Variants in SCN8A observed in about 807,000 individuals in gnomAD.
The protein encoded by SCN8A is sodium channel protein type 8 subunit alpha.
A neutral mutation model predicts 184.1 loss-of-function variants in SCN8A; 30 were observed. The observed-to-expected ratio is 0.16, with a 90% CI of 0.12 to 0.22. SCN8A has a LOEUF of 0.22. Among genes scored for constraint, SCN8A ranks in the 10% least tolerant of loss-of-function variants. The probability of loss-of-function intolerance (pLI) is 1.00; values close to 1 mark genes in which losing one functional copy is unlikely to be tolerated. For synonymous variants in SCN8A, 852 were observed against 907.0 expected (o/e 0.94, Z 1.09); for missense variants, 1,057 against 2,498.9 (o/e 0.42, Z 12.30).
At position 51,765,667 on chromosome 12, in the gene SCN8A, T is replaced by G. The variant is rs1175986621; in HGVS notation, c.2545-4T>G. ...TTTTTTGTTTGGGTTTTTTTTTTCC[T>G]TAGCTCCGAGTCTTCAAATTGGCCA... is the stretch of plus-strand genomic sequence containing the variant. On this transcript the variant is annotated splice_region_variant and splice_polypyrimidine_tract_variant and intron_variant, in intron 15 of 26. Transcript: ENST00000627620. 1.4e-6 allele frequency: 2 copies of G among 1,453,180 alleles called. No individual in the cohort carries two copies. The highest frequency in any genetic ancestry group is 2.9e-5 in the African/African-American group (2 of 68,924). 90.0% of individuals were successfully genotyped at this position (1,453,180 alleles called of 1,614,324 possible). A position where few individuals can be genotyped will look rare whatever the true frequency, so the allele number is the denominator to read the frequency against.
At chr12:51,766,251 C>G (rs1181668814) in intron 16 of SCN8A, 1 of 573,906 alleles carries the variant, frequency 1.7e-6, no homozygotes, top group African/African-American at 1.9e-5. Flanking sequence ...AACCCTTTTC[C>G]TAGAGTTAGG....
At chr12:51,612,477 C>T (rs962675633) in intron 1 of SCN8A, among the ~76,000 whole-genome samples, 1 of 152,128 alleles carries the variant, frequency 6.6e-6, no homozygotes, top group Admixed American at 6.5e-5. Context: ...AGTTTTAGTA[C>T]ATTCATTTTA....
chr12:51,778,498 A>C (rs1237021112), intron 20 of SCN8A, among the ~76,000 whole-genome samples: 1 of 152,106 alleles, frequency 6.6e-6, no homozygotes, highest in African/African-American at 2.4e-5. Flanking sequence ...CATGTTGGCC[A>C]GGCTGGTCTC....
chr12:51,770,740 C>T (rs1592152580), intron 19 of SCN8A, 57 bp downstream of exon 19: 2 of 1,574,472 alleles, frequency 1.3e-6, no homozygotes, highest in Non-Finnish European at 8.7e-7. Context: ...GTAGAGAAGC[C>T]AGTGGGAAAA....
intron 1 of SCN8A, among the ~76,000 whole-genome samples, chr12:51,624,949 A>G (rs956302361): frequency 6.6e-6 from 1 of 151,630 alleles, no homozygotes; most frequent in African/African-American, 2.4e-5. Flanking sequence ...TACCCCCTTC[A>G]GTGAGTTTAT....
intron 19 of SCN8A, among the ~76,000 whole-genome samples, chr12:51,772,521 G>A (rs1286082994): frequency 6.6e-6 from 1 of 152,132 alleles, no homozygotes; most frequent in Non-Finnish European, 1.5e-5. Context: ...TCAGTCTTGG[G>A]CATCTCACAT....
At chr12:51,617,332 T>C (rs1413983848) in intron 1 of SCN8A, among the ~76,000 whole-genome samples, 1 of 152,166 alleles carries the variant, frequency 6.6e-6, no homozygotes, top group Non-Finnish European at 1.5e-5. Flanking sequence ...TCAGCTTGGA[T>C]AATTTGTGTA....
intron 1 of SCN8A, among the ~76,000 whole-genome samples, chr12:51,594,395 G>T (rs1939299265): frequency 6.6e-6 from 1 of 152,120 alleles, no homozygotes; most frequent in Non-Finnish European, 1.5e-5. Flanking sequence ...GAACATACAA[G>T]AAACTTGCAC....
At chr12:51,622,552 T>A (rs1239044403) in intron 1 of SCN8A, among the ~76,000 whole-genome samples, 2 of 152,158 alleles carry the variant, frequency 1.3e-5, no homozygotes, top group Non-Finnish European at 2.9e-5. Flanking sequence ...TTTCTCATGA[T>A]TAGACTGGGG....
intron 26 of SCN8A, among the ~76,000 whole-genome samples, chr12:51,804,666 G>A (rs575388822): frequency 3.2e-4 from 49 of 152,304 alleles, no homozygotes; most frequent in African/African-American, 1.2e-3. Flanking sequence ...AGTAGAGACT[G>A]GGTTTTGCCA....
At chr12:51,602,710 T>C (rs1698695187) in intron 1 of SCN8A, among the ~76,000 whole-genome samples, 1 of 152,160 alleles carries the variant, frequency 6.6e-6, no homozygotes. Flanking sequence ...GTGGTGTTTT[T>C]ATGGCCAAAA....
chr12:51,623,440 A>G (rs2138601108), intron 1 of SCN8A, among the ~76,000 whole-genome samples: 1 of 152,270 alleles, frequency 6.6e-6, no homozygotes, highest in South Asian at 2.1e-4. Context: ...GCCTCTCATC[A>G]TCCACCGTGG....
chr12:51,686,762 G>T (rs1207047057), intron 4 of SCN8A, among the ~76,000 whole-genome samples: 1 of 151,982 alleles, frequency 6.6e-6, no homozygotes, highest in Non-Finnish European at 1.5e-5. Flanking sequence ...AGGTTTCCCT[G>T]TTTTTTGACT....
intron 6 of SCN8A, 30 bp downstream of exon 6, chr12:51,689,126 T>A (rs771713986): frequency 2.0e-6 from 3 of 1,494,732 alleles, no homozygotes; most frequent in Admixed American, 3.7e-5. Flanking sequence ...AGACTGACTT[T>A]GCCACATCTC....
intron 26 of SCN8A, among the ~76,000 whole-genome samples, chr12:51,798,323 G>A (rs1565930720): frequency 6.6e-6 from 1 of 152,210 alleles, no homozygotes; most frequent in Non-Finnish European, 1.5e-5. Flanking sequence ...AATGCATTCC[G>A]TGAGTCCACA....
chr12:51,596,266 A>G (rs1939346774), intron 1 of SCN8A, among the ~76,000 whole-genome samples: 1 of 152,034 alleles, frequency 6.6e-6, no homozygotes, highest in African/African-American at 2.4e-5. Context: ...GGTAAATGTT[A>G]CTCTGTGTTT....
chr12:51,790,972 T>G (rs1938233438), intron 25 of SCN8A, among the ~76,000 whole-genome samples: 1 of 152,204 alleles, frequency 6.6e-6, no homozygotes, highest in Non-Finnish European at 1.5e-5. Context: ...GGTAAAACTA[T>G]GGGAGTCTGG....
intron 2 of SCN8A, among the ~76,000 whole-genome samples, chr12:51,680,928 C>T (rs190620458): frequency 1.2e-4 from 19 of 152,066 alleles, no homozygotes; most frequent in East Asian, 7.7e-4. Context: ...TGCTTGAACC[C>T]GGGAGGCGGA....
intron 1 of SCN8A, 107 bp from the exon 2 acceptor site, chr12:51,662,656 GT>G (rs1292378352): frequency 2.5e-5 from 17 of 687,796 alleles, no homozygotes; most frequent in Non-Finnish European, 2.9e-5. Context: ...GAAACTATGT[GT>G]TTTTTTTGCA....
Sources: gnomAD v4.1 joint callset for allele counts (sites outside exome capture counted in the v4.1 genomes callset) on GRCh38, gnomAD v4.1.1 for gene constraint, MANE v1.5 for transcripts, NCBI Gene and HGNC (gene_info 2026-07-23, HGNC 2026-07-21) for gene names.